Variants in LMBR1L observed in about 807,000 individuals in gnomAD.
LMBR1L encodes protein LMBR1L.
In LMBR1L, 47 loss-of-function variants were observed where a neutral mutation model predicts 67.3. The ratio of observed to expected loss-of-function variants is 0.70; its 90% CI spans 0.55 to 0.89. The LOEUF is 0.89. LMBR1L is among the 40% of genes least tolerant of loss of function. The probability of loss-of-function intolerance (pLI) is 0.00; values close to 1 mark genes in which losing one functional copy is unlikely to be tolerated. For missense variants in LMBR1L, 533 were observed against 599.2 expected, an observed-to-expected ratio of 0.89 and a Z score of 1.15; for synonymous variants, 247 against 250.3, an observed-to-expected ratio of 0.99 and a Z score of 0.13.
rs375349450 is a variant in LMBR1L at position 49,097,755 on chromosome 12, T to C, written c.1403-16A>G. 9 of 1,613,864 alleles carry C rather than the reference T, an allele frequency of 5.6e-6. No homozygotes were observed. Among genetic ancestry groups the C allele is most frequent in the East Asian group, 2.2e-5 (1 of 44,880 alleles). ...CTGTCCAGCCCTGGAGAAGAGGAGA[T>C]GGGCAGTCAAAAGCAAGTCAAAGGT... On this transcript the variant is annotated splice_polypyrimidine_tract_variant and intron_variant, in intron 16 of 16. Coordinates refer to ENST00000267102, the MANE Select transcript of LMBR1L (RefSeq NM_018113.4).
Position 49,097,705 on chromosome 12 carries a change from G to A in LMBR1L, c.1437C>T (p.Phe479=), listed in dbSNP as rs760390520. 26 of 1,613,764 alleles carry A rather than the reference G, an allele frequency of 1.6e-5. No individual in the cohort carries two copies. The South Asian group carries it at 2.9e-4, about 18-fold the overall frequency. The change falls in exon 17 of 17, where the codon TTC becomes TTT. Residue 479 remains phenylalanine (F), a synonymous_variant. Coordinates refer to ENST00000267102, the MANE Select transcript of LMBR1L (RefSeq NM_018113.4). ...LDRLPLPVSG[F]PQASRKTQHQ ...GCTGGGTCTTCCTAGATGCCTGGGG[G>A]AAACCGGAGACGGGCAGCGGCAGTC...
In LMBR1L at chr12:49,104,498, G is replaced by T; in HGVS notation, c.385C>A (p.Pro129Thr). The T allele has an allele frequency of 6.2e-7, 1 of 1,614,082 alleles. No homozygotes were observed. The highest frequency in any genetic ancestry group is 1.1e-5 in the South Asian group (1 of 91,084). ...FSNLSLIFLM[P>T]FAYFFTESEG... ...GACTCAGTGAAGAAATATGCAAAGG[G>T]CATGAGGAAGATGAGGGACAGGTTG... Residue 129 changes from proline to threonine, a missense_variant, in exon 5 of 17, where the codon CCC (proline) becomes ACC (threonine). Transcript: ENST00000267102.
In LMBR1L at chr12:49,100,467, A is replaced by C. The variant is rs762089902; in HGVS notation, c.1174-13T>G. ...AGTTCCCAATTATCTGGGTGGAAGC[A>C]GGGAAAGGAGAGGTGAGGGTGGAAG... On this transcript the variant is annotated splice_polypyrimidine_tract_variant and intron_variant, in intron 14 of 16. Coordinates refer to ENST00000267102, the MANE Select transcript of LMBR1L (RefSeq NM_018113.4). 6 of 1,613,280 alleles carry C rather than the reference A, an allele frequency of 3.7e-6. No individual in the cohort carries two copies. Among genetic ancestry groups the C allele is most frequent in the Admixed American group, 1.7e-5 (1 of 59,998 alleles).
At chr12:49,097,813 A>C in intron 16 of LMBR1L, 74 bp from the exon 17 acceptor site, 1 of 1,605,676 alleles carries the variant, frequency 6.2e-7, no homozygotes, top group South Asian at 1.1e-5. Context: ...GCCAAGCCAC[A>C]GAATGTGTGG....
intron 1 of LMBR1L, among the ~76,000 whole-genome samples, chr12:49,109,559 C>A (rs550553090): frequency 6.6e-6 from 1 of 152,220 alleles, no homozygotes; most frequent in Non-Finnish European, 1.5e-5. Context: ...CCCACACTTA[C>A]TAACATTTCT....
At chr12:49,109,618 G>C (rs1412853927) in intron 1 of LMBR1L, 6 of 448,390 alleles carry the variant, frequency 1.3e-5, no homozygotes, top group African/African-American at 1.2e-4. Context: ...TGGAGATGAG[G>C]GTTGCCCTGG....
rs141587191 is a variant in LMBR1L, at chr12:49,106,624, C to T, written c.157+337G>A. 3.3e-4 allele frequency: 445 copies of T among 1,340,550 alleles called. 4 individuals are homozygous for T. The African/African-American group carries it at 5.9e-3, about 18-fold the overall frequency. The allele number at this position is 1,340,550 out of a possible 1,614,324, so 83.0% of individuals were successfully genotyped here. A position where few individuals can be genotyped will look rare whatever the true frequency, so the allele number is the denominator to read the frequency against. On this transcript the variant is annotated intron_variant, in intron 2 of 16. Transcript: ENST00000267102. ...GAGGAGATGACACAGAGCCTGTGCC[C>T]GTAATGACATTCATCCAGCAGTTGC...
intron 15 of LMBR1L, among the ~76,000 whole-genome samples, chr12:49,098,942 A>T (rs939340802): frequency 6.6e-6 from 1 of 151,408 alleles, no homozygotes; most frequent in Non-Finnish European, 1.5e-5. Flanking sequence ...TCAGTCTCAC[A>T]CATAGCTAGG....
rs771093301 is a variant in LMBR1L at position 49,104,439 on chromosome 12, CCTA to C, written c.435+6_435+8del. On this transcript the variant is annotated splice_donor_region_variant and intron_variant, in intron 5 of 16. Transcript: ENST00000267102. ...CCGTTTCCTGCCTGGATACATATCC[CCTA>C]CTTACCTTTCTGGAGCCAGCAAAGC... is the stretch of plus-strand genomic sequence containing the variant. The C allele has an allele frequency of 1.9e-6, 3 of 1,574,810 alleles. No homozygotes were observed. In the East Asian group the frequency reaches 6.7e-5, roughly 35 times the overall value.
rs772511664 is a variant in LMBR1L at position 49,105,924 on chromosome 12, G to C, written c.191C>G (p.Ala64Gly). The change falls in exon 3 of 17, where the codon GCG becomes GGG. Residue 64 changes from alanine (A) to glycine (G), a missense_variant and splice_region_variant. Ala to Gly is a moderately conservative substitution (Grantham distance 60). Coordinates refer to ENST00000267102, the MANE Select transcript of LMBR1L (RefSeq NM_018113.4). ...TAGGTGCTGAGGCAGGGACACTTACGCAATCTTGTTGACGGTGGCATCTTC... is the reference window on the plus strand; with the variant it reads ...TAGGTGCTGAGGCAGGGACACTTACCCAATCTTGTTGACGGTGGCATCTTC... ...DDEDATVNKI[A>G]LELCTFTLAI... 1 of 1,612,222 alleles carries C rather than the reference G, an allele frequency of 6.2e-7. No individual in the cohort carries two copies. Among genetic ancestry groups the C allele is most frequent in the Non-Finnish European group, 8.5e-7 (1 of 1,179,174 alleles).
At chr12:49,105,115 G>A in intron 3 of LMBR1L, 1 of 524,702 alleles carries the variant, frequency 1.9e-6, no homozygotes, top group Non-Finnish European at 3.4e-6. Context: ...GGGCATTCAT[G>A]GGAACCTGGT....
intron 7 of LMBR1L, 66 bp from the exon 8 acceptor site, chr12:49,103,017 A>G: frequency 8.1e-6 from 13 of 1,606,288 alleles, no homozygotes; most frequent in Non-Finnish European, 1.1e-5. Context: ...CATGCCCCCC[A>G]TTCCCTTTCC....
chr12:49,106,882 G>A, intron 2 of LMBR1L, 79 bp downstream of exon 2: 2 of 1,171,176 alleles, frequency 1.7e-6, no homozygotes, highest in Admixed American at 1.7e-5. Flanking sequence ...TCCTTTCCCA[G>A]TGGGTACCAT....
chr12:49,103,344 T>C (rs1940467368), intron 6 of LMBR1L, among the ~76,000 whole-genome samples, 185 bp from the exon 7 acceptor site: 1 of 152,134 alleles, frequency 6.6e-6, no homozygotes, highest in African/African-American at 2.4e-5. Context: ...CTGGAGATCC[T>C]AACCCCTAAC....
At chr12:49,100,722 C>G in intron 13 of LMBR1L, 76 bp from the exon 14 acceptor site, 1 of 1,093,692 alleles carries the variant, frequency 9.1e-7, no homozygotes, top group Non-Finnish European at 1.3e-6. Flanking sequence ...AGCTCTCTCC[C>G]AGCCCACTTC....
chr12:49,109,471 C>A lies in LMBR1L; in HGVS notation c.72+1013G>T, dbSNP rs181723580. ...TAATTATGTCCTGGCTCAATTTACC[C>A]CTCCTCCAATCAGGCTGCCCAGGGC... On this transcript the variant is annotated intron_variant, in intron 1 of 16. Transcript: ENST00000267102. 2.5e-3 allele frequency among the ~76,000 whole-genome samples: 383 copies of A among 152,296 alleles called. 1 individual carries two copies. The highest frequency in any genetic ancestry group is 8.7e-3 in the African/African-American group (360 of 41,560).
intron 4 of LMBR1L, 46 bp downstream of exon 4, chr12:49,104,700 C>T (rs1940669112): frequency 6.2e-7 from 1 of 1,610,164 alleles, no homozygotes; most frequent in African/African-American, 1.3e-5. Context: ...TCTATCTGCT[C>T]TCTGCTCCCT....
rs1169471430 is a variant in LMBR1L at position 49,108,590 on chromosome 12, C to CGT, written c.73-1547_73-1546dup. 1.0e-3 allele frequency among the ~76,000 whole-genome samples: 145 copies of CGT among 143,438 alleles called. 1 individual carries two copies. The highest frequency in any genetic ancestry group is 3.2e-3 in the African/African-American group (123 of 38,086). 94.1% of individuals were successfully genotyped at this position (143,438 alleles called of 152,430 possible). On this transcript the variant is annotated intron_variant, in intron 1 of 16. Coordinates refer to ENST00000267102, the MANE Select transcript of LMBR1L (RefSeq NM_018113.4). ...AAAAAAAAAAAAAAAAAAAAAAGGC[C>CGT]GTGTGTGGTGGCAGGTGCCTGTAAT... is the stretch of plus-strand genomic sequence containing the variant.
At chr12:49,107,117 G>C in intron 1 of LMBR1L, 72 bp from the exon 2 acceptor site, 1 of 974,546 alleles carries the variant, frequency 1.0e-6, no homozygotes, top group South Asian at 1.3e-5. Context: ...GGGCCTCTCT[G>C]TTAATTCCAG....
Sources: gnomAD v4.1 joint callset for allele counts (sites outside exome capture counted in the v4.1 genomes callset) on GRCh38, gnomAD v4.1.1 for gene constraint, MANE v1.5 for transcripts, NCBI Gene and HGNC (gene_info 2026-07-23, HGNC 2026-07-21) for gene names.